Variants in VPS13B observed in about 807,000 individuals in gnomAD.
VPS13B encodes vacuolar protein sorting 13 homolog B, also known as intermembrane lipid transfer protein VPS13B.
A neutral mutation model predicts 426.4 loss-of-function variants in VPS13B; 285 were observed. That is an observed-to-expected ratio of 0.67 (90% CI 0.61 to 0.74). The LOEUF is 0.74. VPS13B is among the 30% of genes least tolerant of loss of function. The probability of loss-of-function intolerance (pLI) is 0.00; values close to 1 mark genes in which losing one functional copy is unlikely to be tolerated. For synonymous variants in VPS13B, 1,676 were observed against 1,676.4 expected (o/e 1.00, Z 0.01); for missense variants, 4,537 against 4,782.6 (o/e 0.95, Z 1.51).
At chr8:99,462,548 C>T (rs566277786) in intron 23 of VPS13B, among the ~76,000 whole-genome samples, 1 of 152,236 alleles carries the variant, frequency 6.6e-6, no homozygotes, top group South Asian at 2.1e-4. Flanking sequence ...TAGCTATCAT[C>T]TTTCACTGAT....
chr8:99,719,466 G>C (rs940745885), intron 37 of VPS13B, among the ~76,000 whole-genome samples: 3 of 152,158 alleles, frequency 2.0e-5, no homozygotes, highest in Admixed American at 6.5e-5. Flanking sequence ...TAATTCCAGA[G>C]AGCAGAACCT....
chr8:99,271,080 A>G (rs1336272722), intron 17 of VPS13B, among the ~76,000 whole-genome samples: 1 of 152,140 alleles, frequency 6.6e-6, no homozygotes, highest in East Asian at 1.9e-4. Context: ...AATAAATGAA[A>G]TAAACTAGGC....
intron 33 of VPS13B, among the ~76,000 whole-genome samples, chr8:99,633,481 T>C (rs1234812198): frequency 3.3e-5 from 5 of 151,988 alleles, no homozygotes; most frequent in African/African-American, 1.2e-4. Context: ...TCAGACTAGC[T>C]CTAAGGAGCC....
chr8:99,714,295 C>G (rs1832825166), intron 36 of VPS13B, among the ~76,000 whole-genome samples: 1 of 151,916 alleles, frequency 6.6e-6, no homozygotes, highest in South Asian at 2.1e-4. Context: ...TGAGTCCATA[C>G]TGATATAAAT....
intron 43 of VPS13B, among the ~76,000 whole-genome samples, chr8:99,794,690 T>G (rs1026489529): frequency 6.6e-6 from 1 of 152,214 alleles, no homozygotes; most frequent in Non-Finnish European, 1.5e-5. Flanking sequence ...TGTCTTTATC[T>G]CTTTCAGTCT....
At position 99,233,382 on chromosome 8, in the gene VPS13B, C is replaced by T. The variant is rs1197897120; in HGVS notation, c.2515+40325C>T. The T allele has an allele frequency of 5.6e-6, 6 of 1,077,430 alleles. No homozygotes were observed. In the East Asian group the frequency reaches 1.4e-4, roughly 25 times the overall value. The allele number at this position is 1,077,430 out of a possible 1,614,324, so 66.7% of individuals were successfully genotyped here. A position where few individuals can be genotyped will look rare whatever the true frequency, so the allele number is the denominator to read the frequency against. ...CTTTTAGTTTCCCGAAGATCCGTCC[C>T]TGGGCCTTGATGGAGGCTCTGGCGA... On this transcript the variant is annotated intron_variant, in intron 17 of 61. Coordinates refer to ENST00000357162, the MANE Select transcript of VPS13B (RefSeq NM_152564.5).
intron 39 of VPS13B, among the ~76,000 whole-genome samples, chr8:99,762,755 T>C (rs1810995887): frequency 6.6e-6 from 1 of 152,156 alleles, no homozygotes; most frequent in African/African-American, 2.4e-5. Flanking sequence ...AATAAAATGC[T>C]TTGTCTCATT....
At chr8:99,719,672 T>C (rs1275637556) in intron 37 of VPS13B, among the ~76,000 whole-genome samples, 1 of 152,224 alleles carries the variant, frequency 6.6e-6, no homozygotes, top group Non-Finnish European at 1.5e-5. Context: ...TATATGTCTA[T>C]AACTTAGTAG....
intron 34 of VPS13B, among the ~76,000 whole-genome samples, chr8:99,644,112 G>A (rs563820886): frequency 4.5e-4 from 68 of 152,244 alleles, no homozygotes; most frequent in African/African-American, 1.4e-3. Flanking sequence ...GAAAGGGGCC[G>A]AGAGGAACAG....
intron 19 of VPS13B, among the ~76,000 whole-genome samples, chr8:99,376,406 C>T (rs1813489648): frequency 6.6e-6 from 1 of 151,974 alleles, no homozygotes; most frequent in Non-Finnish European, 1.5e-5. Context: ...ATGAATTACC[C>T]TCTTTTATCA....
At chr8:99,472,192 A>G (rs1819447164) in intron 24 of VPS13B, among the ~76,000 whole-genome samples, 1 of 152,092 alleles carries the variant, frequency 6.6e-6, no homozygotes, top group Admixed American at 6.6e-5. Flanking sequence ...GCAATGGATA[A>G]AACAACTGGA....
At chr8:99,323,754 T>G (rs1019237896) in intron 19 of VPS13B, among the ~76,000 whole-genome samples, 5 of 152,240 alleles carry the variant, frequency 3.3e-5, no homozygotes, top group Admixed American at 3.3e-4. Context: ...CCAATAAGGT[T>G]GTTGTTCTAA....
intron 23 of VPS13B, among the ~76,000 whole-genome samples, chr8:99,466,608 C>T (rs1262058623): frequency 6.6e-6 from 1 of 152,052 alleles, no homozygotes; most frequent in African/African-American, 2.4e-5. Context: ...AGTAAAAGCT[C>T]AAAGTATAAA....
intron 59 of VPS13B, among the ~76,000 whole-genome samples, chr8:99,869,636 T>A (rs1431021644): frequency 6.6e-6 from 1 of 152,150 alleles, no homozygotes; most frequent in Non-Finnish European, 1.5e-5. Context: ...GGGACTCCAG[T>A]GAGGTAAAGT....
At chr8:99,376,158 T>G (rs1468201729) in intron 19 of VPS13B, among the ~76,000 whole-genome samples, 2 of 152,184 alleles carry the variant, frequency 1.3e-5, no homozygotes, top group Non-Finnish European at 2.9e-5. Flanking sequence ...TCTCATTAGT[T>G]GTCTCCCAGG....
chr8:99,825,005 C>T (rs1437961434), intron 51 of VPS13B, among the ~76,000 whole-genome samples: 1 of 152,154 alleles, frequency 6.6e-6, no homozygotes, highest in African/African-American at 2.4e-5. Context: ...GGTTCCAAGT[C>T]TTTGCTATTG....
intron 19 of VPS13B, among the ~76,000 whole-genome samples, chr8:99,328,524 G>C (rs954810687): frequency 1.5e-4 from 23 of 152,098 alleles, no homozygotes; most frequent in Admixed American, 8.5e-4. Flanking sequence ...GATACTCTCT[G>C]TTTCCAACTT....
intron 56 of VPS13B, among the ~76,000 whole-genome samples, chr8:99,855,573 A>G (rs1206259679): frequency 6.6e-6 from 1 of 152,158 alleles, no homozygotes; most frequent in Non-Finnish European, 1.5e-5. Flanking sequence ...GAACATGGAA[A>G]TCTTACTTTC....
At chr8:99,862,315 C>G (rs1041234744) in intron 58 of VPS13B, among the ~76,000 whole-genome samples, 1 of 152,224 alleles carries the variant, frequency 6.6e-6, no homozygotes, top group Non-Finnish European at 1.5e-5. Context: ...CCCTCACTCC[C>G]ACACATGCTG....
Sources: allele counts gnomAD v4.1 joint callset (sites outside exome capture counted in the v4.1 genomes callset), GRCh38; gene constraint gnomAD v4.1.1; transcripts MANE v1.5; gene names NCBI Gene and HGNC (gene_info 2026-07-23, HGNC 2026-07-21).